The following XG variants were observed in gnomAD, a reference collection of about 807,000 sequenced individuals.
XG encodes the protein glycoprotein Xg.
In XG, 24 loss-of-function variants were observed where a neutral mutation model predicts 25.7. The observed-to-expected ratio is 0.93, with a 90% confidence interval of 0.68 to 1.31. The LOEUF (loss-of-function observed/expected upper bound fraction) is 1.31. Ranked by LOEUF, XG falls within the 40% of genes most tolerant of loss-of-function variation. XG has a pLI of 0.00. For missense variants in XG, 181 were observed against 187.6 expected (o/e 0.96, Z 0.21); for synonymous variants, 77 against 69.2 (o/e 1.11, Z -0.56).
intron 9 of XG, 196 bp downstream of exon 9, chrX:2,808,416 A>G: frequency 2.4e-6 from 2 of 821,681 alleles, no homozygotes; most frequent in Non-Finnish European, 3.3e-6. Context: ...GTTCAGAGAA[A>G]GGAGAGGCAA....
In XG at chrX:2,806,759, G is replaced by A. The variant is rs1448837167; in HGVS notation, c.418+14G>A. On this transcript the variant is annotated intron_variant, in intron 8 of 10. Transcript: ENST00000644266. ...GAAATACTTATGGTAAAGGAATTATGTCTTACAGAATATGTGAGGCAAAAC... is the reference window on the plus strand; with the variant it reads ...GAAATACTTATGGTAAAGGAATTATATCTTACAGAATATGTGAGGCAAAAC... 3.5e-6 allele frequency: 4 copies of A among 1,130,363 alleles called. No individual in the cohort carries two copies. The highest frequency in any genetic ancestry group is 3.5e-6 in the Non-Finnish European group (3 of 845,522). The allele number at this position is 1,130,363 out of a possible 1,213,427, so 93.2% of individuals were successfully genotyped here.
At chrX:2,754,811 C>T (rs1029428368) in intron 1 of XG, among the ~76,000 whole-genome samples, 4 of 152,176 alleles carry the variant, frequency 2.6e-5, no homozygotes, top group African/African-American at 7.2e-5. Context: ...AGATGGTGCC[C>T]ACCCAAATTG....
chrX:2,795,135 A>G (rs1260525740), intron 6 of XG, among the ~76,000 whole-genome samples: 1 of 107,646 alleles, frequency 9.3e-6, no homozygotes, highest in African/African-American at 3.4e-5. Flanking sequence ...GTATATCCTG[A>G]CTTTATATAT....
At chrX:2,757,821 A>G (rs1370316448) in intron 1 of XG, among the ~76,000 whole-genome samples, 1 of 150,802 alleles carries the variant, frequency 6.6e-6, no homozygotes, top group African/African-American at 2.4e-5. Context: ...AAAATACAAA[A>G]ATTAGCCAGG....
chrX:2,801,854 G>A lies in XG; in HGVS notation c.373+4494G>A, dbSNP rs369432406. 4.3e-3 allele frequency among the ~76,000 whole-genome samples: 471 copies of A among 110,721 alleles called. 5 individuals are homozygous for A. Among genetic ancestry groups the A allele is most frequent in the Admixed American group, 0.036 (371 of 10,404 alleles). ...CTCCCGAGTAGCTGGGACTACAGGC[G>A]CCCGCCACCACGCCTGGCAATTTTT... On this transcript the variant is annotated intron_variant, in intron 7 of 10. Transcript: ENST00000644266.
intron 1 of XG, among the ~76,000 whole-genome samples, chrX:2,765,263 A>G (rs1445957039): frequency 6.6e-6 from 1 of 151,502 alleles, no homozygotes; most frequent in African/African-American, 2.4e-5. Context: ...AGGCGGGAGA[A>G]TCAATTGAAC....
At chrX:2,781,344 ACCT>A (rs2051116137) in intron 3 of XG, among the ~76,000 whole-genome samples, 1 of 151,312 alleles carries the variant, frequency 6.6e-6, no homozygotes, top group Non-Finnish European at 1.5e-5. Flanking sequence ...AACTCTGCAA[ACCT>A]CCTGGATTTA....
At chrX:2,782,601 A>G (rs1274335600) in intron 4 of XG, among the ~76,000 whole-genome samples, 1 of 111,144 alleles carries the variant, frequency 9.0e-6, no homozygotes, top group South Asian at 3.9e-4. Flanking sequence ...AGGGGGTTGA[A>G]GTGAGGTTTT....
chrX:2,783,013 G>A (rs1263345355), intron 4 of XG, among the ~76,000 whole-genome samples: 2 of 111,465 alleles, frequency 1.8e-5, no homozygotes, highest in African/African-American at 6.5e-5. Context: ...GCAAGATGGA[G>A]TTGGTTAGGT....
In XG at chrX:2,770,478, A is replaced by G. The variant is rs2050793570; in HGVS notation, c.62-72A>G. The G allele has an allele frequency of 4.4e-6, 7 of 1,575,838 alleles. No individual in the cohort carries two copies. In the Admixed American group the frequency reaches 1.0e-4, roughly 23 times the overall value. On this transcript the variant is annotated intron_variant, in intron 1 of 10. Coordinates refer to ENST00000644266, the MANE Select transcript of XG (RefSeq NM_001141919.2). ...AGGCTTGCAGGAGGAGGGGAGCAGC[A>G]TGAGGTGAGGAACAAGGGGGATTCT...
chrX:2,800,975 CAAAA>C (rs55635919), intron 7 of XG, among the ~76,000 whole-genome samples: 370 of 36,407 alleles, frequency 0.01, 2 homozygotes, highest in Non-Finnish European at 0.017. Flanking sequence ...GACCCTGTCT[CAAAA>C]AAAAAAAAAA....
chrX:2,805,232 C>A (rs1327620687), intron 7 of XG, among the ~76,000 whole-genome samples: 1 of 112,613 alleles, frequency 8.9e-6, no homozygotes, highest in Non-Finnish European at 1.9e-5. Flanking sequence ...GGCCTCCCTG[C>A]GGAGACTGGG....
intron 1 of XG, among the ~76,000 whole-genome samples, chrX:2,770,123 G>C (rs1240110643): frequency 6.6e-6 from 1 of 151,914 alleles, no homozygotes; most frequent in African/African-American, 2.4e-5. Flanking sequence ...TTCCTTCAAA[G>C]TTTCCTGGCC....
intron 9 of XG, among the ~76,000 whole-genome samples, chrX:2,809,703 C>G (rs1603458006): frequency 8.9e-6 from 1 of 112,315 alleles, no homozygotes; most frequent in East Asian, 2.8e-4. Flanking sequence ...TGAACTCCCT[C>G]TCTTGTGTGC....
At chrX:2,779,343 A>T (rs1158318206) in intron 3 of XG, among the ~76,000 whole-genome samples, 1 of 151,740 alleles carries the variant, frequency 6.6e-6, no homozygotes, top group Admixed American at 6.6e-5. Flanking sequence ...AAAAAAAAAA[A>T]AAAAAGCATA....
chrX:2,780,383 AATTTAAACCG>A (rs1305860098), intron 3 of XG, among the ~76,000 whole-genome samples: 2 of 149,416 alleles, frequency 1.3e-5, no homozygotes, highest in East Asian at 3.9e-4. Flanking sequence ...CCACTATTTA[AATTTAAACCG>A]ATTTAAACAA....
intron 1 of XG, among the ~76,000 whole-genome samples, chrX:2,759,666 A>G (rs1457942348): frequency 4.6e-5 from 7 of 152,212 alleles, no homozygotes. Context: ...GCAGACAAGC[A>G]CGGAGTCCAA....
chrX:2,774,429 G>C (rs965984502), intron 2 of XG, among the ~76,000 whole-genome samples: 3 of 124,120 alleles, frequency 2.4e-5, no homozygotes, highest in Non-Finnish European at 5.3e-5. Flanking sequence ...CAGCCCTGTG[G>C]TGGCTCTACG....
chrX:2,760,559 C>A lies in XG; in HGVS notation c.61+8224C>A, dbSNP rs760249566. On this transcript the variant is annotated intron_variant, in intron 1 of 10. Coordinates refer to ENST00000644266, the MANE Select transcript of XG (RefSeq NM_001141919.2). The stretch of plus-strand genomic sequence containing the variant: ...GATCATCCTGGCTAACACGGTGAAA[C>A]CCCATCTCTACTAAAAATACAAAAA... 2.0e-5 allele frequency among the ~76,000 whole-genome samples: 3 copies of A among 148,436 alleles called. No homozygotes were observed. In the East Asian group the frequency reaches 6.0e-4, roughly 30 times the overall value.
Sources: allele counts gnomAD v4.1 joint callset (sites outside exome capture counted in the v4.1 genomes callset), GRCh38; gene constraint gnomAD v4.1.1; transcripts MANE v1.5; gene names NCBI Gene and HGNC (gene_info 2026-07-23, HGNC 2026-07-21).